Variants in C9orf43 observed in about 807,000 individuals in gnomAD.
C9orf43 encodes chromosome 9 open reading frame 43, also known as uncharacterized protein C9orf43.
In C9orf43, 45 loss-of-function variants were observed where a neutral mutation model predicts 59.1. The observed-to-expected ratio is 0.76, with a 90% CI of 0.60 to 0.98. The LOEUF is 0.98. C9orf43 is among the 50% of genes least tolerant of loss of function. The pLI, the probability that C9orf43 is intolerant of heterozygous loss-of-function variation, is 0.00. For missense variants in C9orf43, 533 were observed against 554.9 expected, an observed-to-expected ratio of 0.96 and a Z score of 0.40; for synonymous variants, 203 against 196.8, an observed-to-expected ratio of 1.03 and a Z score of -0.26.
chr9:113,428,908 G>A lies in C9orf43; in HGVS notation c.1116G>A (p.Thr372=), dbSNP rs1056903596. The change falls in exon 13 of 14, where the codon ACG becomes ACA. Residue 372 remains threonine (T), a synonymous_variant. Transcript: ENST00000374165. ...ACCCCAATGAATTTCAGGATTCCACGGAGAGACCAAAGATGAACTACTATG... is the reference window on the plus strand; with the variant it reads ...ACCCCAATGAATTTCAGGATTCCACAGAGAGACCAAAGATGAACTACTATG... ...EKGTTSKQDS[T]ERPKMNYYDH... is the part of the protein sequence containing the mutation. 32 of 1,613,590 alleles carry A rather than the reference G, an allele frequency of 2.0e-5. No individual in the cohort carries two copies. The highest frequency in any genetic ancestry group is 4.0e-5 in the African/African-American group (3 of 74,994).
Position 113,411,094 on chromosome 9 carries a change from G to A in C9orf43, c.-50+93G>A, listed in dbSNP as rs144006608. 7.1e-5 allele frequency: 70 copies of A among 985,310 alleles called. 1 individual carries two copies. The East Asian group carries it at 2.6e-3, about 37-fold the overall frequency. The allele number at this position is 985,310 out of a possible 1,614,324, so 61.0% of individuals were successfully genotyped here. A position where few individuals can be genotyped will look rare whatever the true frequency, so the allele number is the denominator to read the frequency against. On this transcript the variant is annotated intron_variant, in intron 1 of 13. Coordinates refer to ENST00000374165, the MANE Select transcript of C9orf43 (RefSeq NM_001278629.2). ...GCCCAGGGATAATGCTGGCCATATA[G>A]AGATGCGCCTGATTAGGTCTCAGGA...
rs1828905686 is a variant in C9orf43 at position 113,429,357 on chromosome 9, G to A, written c.1357G>A (p.Glu453Lys). 6.2e-7 allele frequency: 1 copy of A among 1,614,022 alleles called. No individual in the cohort carries two copies. Among genetic ancestry groups the A allele is most frequent in the African/African-American group, 1.3e-5 (1 of 74,944 alleles). ...RILQDTDDED[E>K]EDQSSGAE is the part of the protein sequence containing the mutation. ...TCTTCAGGACACTGATGATGAGGAT[G>A]AGGAGGACCAGTCCTCTGGGGCAGA... Residue 453 changes from glutamate (E) to lysine (K), a missense_variant, in exon 14 of 14, where the codon GAG becomes AAG. By Grantham distance (56) the Glu-to-Lys change is moderately conservative. Transcript: ENST00000374165.
At position 113,418,394 on chromosome 9, in the gene C9orf43, C is replaced by T. The variant is rs528700034; in HGVS notation, c.288-714C>T. On this transcript the variant is annotated intron_variant, in intron 3 of 13. Transcript: ENST00000374165. ...TGTTGTAGTATATACTGTAGTCCCC[C>T]CTTATTTTCAGGAAATATATTCTCA... Among the ~76,000 whole-genome samples the T allele has an allele frequency of 1.8e-4, 27 of 152,282 alleles. No homozygotes were observed. In the South Asian group the frequency reaches 5.6e-3, roughly 32 times the overall value.
rs371732185 is a variant in C9orf43 at position 113,425,365 on chromosome 9, G to GGCAGCA, written c.903_908dup (p.Gln303_Gln304dup). On this transcript the variant is annotated inframe_insertion, in exon 10 of 14. Transcript: ENST00000374165. ...CCAGGTTACAGGAAACAGCAGCAGC[G>GGCAGCA]GCAGCAGCAGCAGCAGCAGCAACAG... is the stretch of plus-strand genomic sequence containing the variant. 3.2e-5 allele frequency: 52 copies of GGCAGCA among 1,612,420 alleles called. No individual in the cohort carries two copies. The African/African-American group carries it at 3.7e-4, about 12-fold the overall frequency.
intron 5 of C9orf43, 136 bp from the exon 6 acceptor site, chr9:113,422,413 A>G: frequency 8.1e-7 from 1 of 1,236,646 alleles, no homozygotes; most frequent in South Asian, 1.5e-5. Context: ...GATCAAAGAT[A>G]GGAATCTTTG....
intron 3 of C9orf43, among the ~76,000 whole-genome samples, chr9:113,415,845 G>A (rs933942454): frequency 6.6e-6 from 1 of 152,148 alleles, no homozygotes; most frequent in Admixed American, 6.5e-5. Flanking sequence ...CTTTTCTCCT[G>A]TTCCATTTAA....
chr9:113,417,907 T>G (rs1828428134), intron 3 of C9orf43, among the ~76,000 whole-genome samples: 1 of 152,158 alleles, frequency 6.6e-6, no homozygotes, highest in Non-Finnish European at 1.5e-5. Flanking sequence ...GTCTTTATCT[T>G]TTTTTTGTTT....
At chr9:113,419,276 G>A (rs1168891883) in intron 4 of C9orf43, 111 bp downstream of exon 4, 1 of 783,732 alleles carries the variant, frequency 1.3e-6, no homozygotes, top group Non-Finnish European at 2.1e-6. Flanking sequence ...AATCTGAATA[G>A]TAATGTTGAT....
In C9orf43 at chr9:113,419,162, C is replaced by T. The variant is rs779570253; in HGVS notation, c.342C>T (p.Pro114=). Residue 114 remains proline, a synonymous_variant, in exon 4 of 14, where the codon CCC becomes CCT. Coordinates refer to ENST00000374165, the MANE Select transcript of C9orf43 (RefSeq NM_001278629.2). The part of the protein sequence containing the change: ...KSLINCTNRL[P]KFPVLNLNET... ...TGATCAACTGTACTAACAGACTTCC[C>T]AAAGTAAGTCATAGATTTTAAAAGT... The T allele has an allele frequency of 1.9e-6, 3 of 1,603,804 alleles. No individual in the cohort carries two copies. Among genetic ancestry groups the T allele is most frequent in the East Asian group, 4.5e-5 (2 of 44,638 alleles).
At position 113,425,086 on chromosome 9, in the gene C9orf43, C is replaced by T; in HGVS notation, c.865+10C>T. 1 of 1,612,262 alleles carries T rather than the reference C, an allele frequency of 6.2e-7. No individual in the cohort carries two copies. ...AACCTGAAGACAGAAGGTAGATTTGCTGTTGCTGCTGGATCTCTAAGCACC... is the reference window on the plus strand; with the variant it reads ...AACCTGAAGACAGAAGGTAGATTTGTTGTTGCTGCTGGATCTCTAAGCACC... On this transcript the variant is annotated intron_variant, in intron 9 of 13. Coordinates refer to ENST00000374165, the MANE Select transcript of C9orf43 (RefSeq NM_001278629.2).
At chr9:113,428,053 A>G (rs1466645248) in intron 11 of C9orf43, 94 bp from the exon 12 acceptor site, 1 of 1,196,966 alleles carries the variant, frequency 8.4e-7, no homozygotes, top group African/African-American at 1.5e-5. Context: ...TCCTGGATGC[A>G]GAGTCACTTG....
intron 3 of C9orf43, among the ~76,000 whole-genome samples, chr9:113,415,737 A>G (rs1376894139): frequency 6.6e-6 from 1 of 152,152 alleles, no homozygotes; most frequent in South Asian, 2.1e-4. Flanking sequence ...CTGGTACATG[A>G]AACAAAGGGA....
At chr9:113,419,070 T>C (rs1828477675) in intron 3 of C9orf43, 38 bp from the exon 4 acceptor site, 1 of 1,544,814 alleles carries the variant, frequency 6.5e-7, no homozygotes, top group South Asian at 1.2e-5. Flanking sequence ...CAATAAGTCT[T>C]TTGTATTTCT....
At chr9:113,422,708 A>C in intron 6 of C9orf43, 123 bp downstream of exon 6, 2 of 1,125,598 alleles carry the variant, frequency 1.8e-6, no homozygotes, top group South Asian at 1.6e-5. Flanking sequence ...TCTGCTAAAG[A>C]AAACCCTTCT....
chr9:113,411,263 TC>T, intron 1 of C9orf43: 2 of 378,282 alleles, frequency 5.3e-6, no homozygotes, highest in Non-Finnish European at 7.3e-6. Context: ...ATACATTTTT[TC>T]CAGTTAAAAC....
In C9orf43 at chr9:113,429,489, G is replaced by A. The variant is rs1178579505; in HGVS notation, c.*103G>A. On this transcript the variant is annotated 3_prime_UTR_variant, in exon 14 of 14. Coordinates refer to ENST00000374165, the MANE Select transcript of C9orf43 (RefSeq NM_001278629.2). Reference sequence around the variant, plus strand: ...GCAGCAACGTTTCACATAAGGGCAAGAGGAGAGGGGCTTCTGCTCTCTGGA... The same window carrying A: ...GCAGCAACGTTTCACATAAGGGCAAAAGGAGAGGGGCTTCTGCTCTCTGGA... 2.2e-6 allele frequency: 2 copies of A among 905,108 alleles called. No homozygotes were observed. The highest frequency in any genetic ancestry group is 3.4e-6 in the Non-Finnish European group (2 of 582,252). The allele number at this position is 905,108 out of a possible 1,614,324, so 56.1% of individuals were successfully genotyped here.
intron 7 of C9orf43, 77 bp downstream of exon 7, chr9:113,423,575 C>G: frequency 7.1e-7 from 1 of 1,408,912 alleles, no homozygotes; most frequent in Non-Finnish European, 9.8e-7. Flanking sequence ...AAACAGTGTG[C>G]TTTTTCTGAG....
Position 113,429,459 on chromosome 9 carries a change from T to C in C9orf43, c.*73T>C. The C allele has an allele frequency of 7.5e-7, 1 of 1,328,956 alleles. No homozygotes were observed. Among genetic ancestry groups the C allele is most frequent in the Non-Finnish European group, 1.1e-6 (1 of 938,976 alleles). The allele number at this position is 1,328,956 out of a possible 1,614,324, so 82.3% of individuals were successfully genotyped here. Reference sequence around the variant, plus strand: ...TTCCAAAGCGGGATGGCTGGTATCCTGAGGGCAGCAACGTTTCACATAAGG... The same window carrying C: ...TTCCAAAGCGGGATGGCTGGTATCCCGAGGGCAGCAACGTTTCACATAAGG... On this transcript the variant is annotated 3_prime_UTR_variant, in exon 14 of 14. Coordinates refer to ENST00000374165, the MANE Select transcript of C9orf43 (RefSeq NM_001278629.2).
chr9:113,428,836 A>G, intron 12 of C9orf43, 64 bp from the exon 13 acceptor site: 3 of 1,409,172 alleles, frequency 2.1e-6, no homozygotes, highest in South Asian at 1.2e-5. Context: ...AGCATCTTTT[A>G]GAAAAATCCT....
Sources: gnomAD v4.1 joint callset for allele counts (sites outside exome capture counted in the v4.1 genomes callset) on GRCh38, gnomAD v4.1.1 for gene constraint, MANE v1.5 for transcripts, NCBI Gene and HGNC (gene_info 2026-07-23, HGNC 2026-07-21) for gene names.